The following SV2B variants were observed in gnomAD, a reference collection of about 807,000 sequenced individuals.
SV2B encodes synaptic vesicle glycoprotein 2B.
In SV2B, 41 loss-of-function variants were observed where a neutral mutation model predicts 73.9. The ratio of observed to expected loss-of-function variants is 0.56; its 90% confidence interval spans 0.43 to 0.72. The LOEUF is 0.72. Among genes scored for constraint, SV2B ranks in the 30% least tolerant of loss-of-function variants. The pLI, the probability that SV2B is intolerant of heterozygous loss-of-function variation, is 0.00. For missense variants in SV2B, 764 were observed against 857.8 expected (o/e 0.89, Z 1.37); for synonymous variants, 314 against 314.2 (o/e 1.00, Z 0.01).
rs116465586 is a variant in SV2B at position 91,141,097 on chromosome 15, C to G, written c.-392+40734C>G. Among the ~76,000 whole-genome samples, 891 of 152,332 alleles carry G rather than the reference C, an allele frequency of 5.8e-3. 10 individuals are homozygous for G. The highest frequency in any genetic ancestry group is 0.02 in the African/African-American group (841 of 41,572). On this transcript the variant is annotated intron_variant, in intron 1 of 12. Transcript: ENST00000394232. This position sits in a 1 kb window ranked among gnomAD's most constrained non-coding sequence, Gnocchi z 4.6. ...TCACACTGTTTCTTAAACCCCACTTCTGGAACTGGCTACATTCTTTGGAGA... is the reference window on the plus strand; with the variant it reads ...TCACACTGTTTCTTAAACCCCACTTGTGGAACTGGCTACATTCTTTGGAGA...
intron 1 of SV2B, among the ~76,000 whole-genome samples, chr15:91,142,335 A>G (rs993599004): frequency 1.3e-5 from 2 of 152,150 alleles, no homozygotes; most frequent in African/African-American, 4.8e-5. Flanking sequence ...CTGCTGCCCC[A>G]AGTGGCATTT....
chr15:91,127,885 CT>C, intron 1 of SV2B, among the ~76,000 whole-genome samples: 1 of 152,272 alleles, frequency 6.6e-6, no homozygotes, highest in African/African-American at 2.4e-5. Context: ...AGGAGTAGTT[CT>C]TTGAGCTTTT....
At chr15:91,150,832 A>G (rs1010921620) in intron 1 of SV2B, among the ~76,000 whole-genome samples, 1 of 152,232 alleles carries the variant, frequency 6.6e-6, no homozygotes, top group Admixed American at 6.5e-5. Context: ...AGCAGAGAGC[A>G]GGCAGATGCT....
chr15:91,283,876 A>ATATTACCTTGACGACATGGCCACT lies in SV2B; in HGVS notation c.1508-133_1508-132insGACATGGCCACTTATTACCTTGAC. ...ATCCATACCTTGATGACATGGCCAC[A>ATATTACCTTGACGACATGGCCACT]TATTACCTTGACTTTGAGGCTGTCT... On this transcript the variant is annotated intron_variant, in intron 10 of 12. Transcript: ENST00000394232. This position sits in a 1 kb window ranked among gnomAD's most constrained non-coding sequence, Gnocchi z 4.3. 2 of 806,966 alleles carry ATATTACCTTGACGACATGGCCACT rather than the reference A, an allele frequency of 2.5e-6. No individual in the cohort carries two copies. The highest frequency in any genetic ancestry group is 1.6e-5 in the South Asian group (1 of 62,560). The allele number at this position is 806,966 out of a possible 1,614,324, so 50.0% of individuals were successfully genotyped here. A position where few individuals can be genotyped will look rare whatever the true frequency, so the allele number is the denominator to read the frequency against.
rs1011057096 is a variant in SV2B, at chr15:91,140,083, A to G, written c.-392+39720A>G. Among the ~76,000 whole-genome samples, 2 of 152,212 alleles carry G rather than the reference A, an allele frequency of 1.3e-5. No homozygotes were observed. The highest frequency in any genetic ancestry group is 1.5e-5 in the Non-Finnish European group (1 of 68,040). ...GGTCCTGACCCAGACATAATAAATC[A>G]GAAACTCAGAGGATGGGCCCAGTAG... On this transcript the variant is annotated intron_variant, in intron 1 of 12. Transcript: ENST00000394232. This position sits in a 1 kb window ranked among gnomAD's most constrained non-coding sequence, Gnocchi z 4.4.
rs1032141378 is a variant in SV2B at position 91,118,824 on chromosome 15, A to G, written c.-392+18461A>G. On this transcript the variant is annotated intron_variant, in intron 1 of 12. Coordinates refer to ENST00000394232, the MANE Select transcript of SV2B (RefSeq NM_001323032.3). This position sits in a 1 kb window ranked among gnomAD's most constrained non-coding sequence, Gnocchi z 4.7. Reference sequence around the variant, plus strand: ...GCTTCACTCATTCTTGTTTGAATGAACAAAATTAATCTGCCTCCTTCCTCC... The same window carrying G: ...GCTTCACTCATTCTTGTTTGAATGAGCAAAATTAATCTGCCTCCTTCCTCC... Among the ~76,000 whole-genome samples the G allele has an allele frequency of 1.3e-5, 2 of 152,262 alleles. No homozygotes were observed. The highest frequency in any genetic ancestry group is 4.8e-5 in the African/African-American group (2 of 41,474).
At chr15:91,175,908 C>G (rs1344490242) in intron 1 of SV2B, among the ~76,000 whole-genome samples, 1 of 151,224 alleles carries the variant, frequency 6.6e-6, no homozygotes, top group Non-Finnish European at 1.5e-5. Context: ...TATTATTATA[C>G]TTTAAGTTTT....
At chr15:91,204,849 C>T (rs1017475952) in intron 1 of SV2B, among the ~76,000 whole-genome samples, 3 of 152,140 alleles carry the variant, frequency 2.0e-5, no homozygotes, top group Admixed American at 6.5e-5. Flanking sequence ...AGCCAATGCA[C>T]CTGGCCCACG....
At chr15:91,285,587 A>T (rs985619532) in intron 11 of SV2B, among the ~76,000 whole-genome samples, 1 of 152,216 alleles carries the variant, frequency 6.6e-6, no homozygotes, top group Non-Finnish European at 1.5e-5. Flanking sequence ...GATTAGCTTT[A>T]TGTGTGGACC....
intron 1 of SV2B, among the ~76,000 whole-genome samples, chr15:91,144,590 TAA>T (rs2043091834): frequency 6.6e-6 from 1 of 152,186 alleles, no homozygotes; most frequent in South Asian, 2.1e-4. Flanking sequence ...GACCTTTACT[TAA>T]AGAGAGCACA....
rs1426030242 is a variant in SV2B, at chr15:91,290,430, G to A, written c.1868+750G>A. On this transcript the variant is annotated intron_variant, in intron 12 of 12. Transcript: ENST00000394232. This position sits in a 1 kb window ranked among gnomAD's most constrained non-coding sequence, Gnocchi z 4.7. ...CTCATTTGAATCAAAGAACTGCTAA[G>A]TTTTACACAAAATAACAGGAGGACA... Among the ~76,000 whole-genome samples the A allele has an allele frequency of 1.3e-5, 2 of 152,232 alleles. No homozygotes were observed. Among genetic ancestry groups the A allele is most frequent in the Admixed American group, 6.5e-5 (1 of 15,292 alleles).
intron 11 of SV2B, among the ~76,000 whole-genome samples, chr15:91,287,986 T>C (rs559763673): frequency 2.7e-4 from 41 of 152,106 alleles, no homozygotes; most frequent in African/African-American, 8.9e-4. Flanking sequence ...GAAAAGGCCT[T>C]CTACCCCCGG....
chr15:91,147,711 C>T (rs925307173), intron 1 of SV2B, among the ~76,000 whole-genome samples: 1 of 152,094 alleles, frequency 6.6e-6, no homozygotes, highest in African/African-American at 2.4e-5. Flanking sequence ...ACATGCAAGA[C>T]TCATTACTTG....
chr15:91,143,082 G>C (rs72764740), intron 1 of SV2B, among the ~76,000 whole-genome samples: 48,800 of 152,032 alleles, frequency 0.32, 8,443 homozygotes, highest in Non-Finnish European at 0.38. Flanking sequence ...TGTTTCCCAA[G>C]TGTTGGTGCT....
chr15:91,175,458 G>A (rs974656702), intron 1 of SV2B, among the ~76,000 whole-genome samples: 2 of 151,980 alleles, frequency 1.3e-5, no homozygotes, highest in African/African-American at 4.8e-5. Context: ...GTTTCACTGT[G>A]TCAGTCAGGA....
rs182547428 is a variant in SV2B at position 91,186,377 on chromosome 15, A to G, written c.-391-39496A>G. 7.9e-5 allele frequency among the ~76,000 whole-genome samples: 12 copies of G among 152,382 alleles called. No homozygotes were observed. The East Asian group carries it at 2.3e-3, about 29-fold the overall frequency. On this transcript the variant is annotated intron_variant, in intron 1 of 12. Transcript: ENST00000394232. Reference sequence around the variant, plus strand: ...ATAAAACATATTATAGTGAATTGGCATCATGATAAATAGAAAAAGCATTAT... The same window carrying G: ...ATAAAACATATTATAGTGAATTGGCGTCATGATAAATAGAAAAAGCATTAT...
At chr15:91,251,684 A>G (rs1567394138) in intron 2 of SV2B, 135 bp from the exon 3 acceptor site, 11 of 1,095,412 alleles carry the variant, frequency 1.0e-5, no homozygotes, top group Admixed American at 2.9e-5. Context: ...CACAAATATC[A>G]CATTCCACCA....
At chr15:91,108,221 C>T (rs1190140047) in intron 1 of SV2B, among the ~76,000 whole-genome samples, 2 of 152,038 alleles carry the variant, frequency 1.3e-5, no homozygotes, top group Non-Finnish European at 2.9e-5. Context: ...CCATAATGTT[C>T]AAAATTAGAC....
chr15:91,154,576 G>C (rs1311444920), intron 1 of SV2B, among the ~76,000 whole-genome samples: 1 of 152,164 alleles, frequency 6.6e-6, no homozygotes. Flanking sequence ...TAGATACGGG[G>C]TTTTTGCAGA....
Sources: allele counts gnomAD v4.1 joint callset (sites outside exome capture counted in the v4.1 genomes callset), GRCh38; gene constraint gnomAD v4.1.1; non-coding constraint Gnocchi (gnomAD v3.1); transcripts MANE v1.5; gene names NCBI Gene and HGNC (gene_info 2026-07-23, HGNC 2026-07-21).